Variants in CCSER1 observed in about 807,000 individuals in gnomAD.
CCSER1 encodes the protein serine-rich coiled-coil domain-containing protein 1.
CCSER1 carries 41 observed loss-of-function variants against 82.0 expected under a neutral mutation model. The observed-to-expected ratio is 0.50, with a 90% CI of 0.39 to 0.65. The LOEUF (loss-of-function observed/expected upper bound fraction) is 0.65, where lower values mean the gene tolerates loss of function less well. Among genes scored for constraint, CCSER1 ranks in the 30% least tolerant of loss-of-function variants. The pLI, the probability that CCSER1 is intolerant of heterozygous loss-of-function variation, is 0.00. For synonymous variants in CCSER1, 414 were observed against 383.9 expected, an observed-to-expected ratio of 1.08 and a Z score of -0.92; for missense variants, 1,119 against 1,064.2, an observed-to-expected ratio of 1.05 and a Z score of -0.72.
intron 4 of CCSER1, among the ~76,000 whole-genome samples, chr4:90,422,631 AC>A (rs777172475): frequency 6.2e-4 from 94 of 151,912 alleles, no homozygotes; most frequent in Non-Finnish European, 1.0e-3. Flanking sequence ...AGTCATAGAG[AC>A]CCTGTTTCGA....
chr4:91,007,929 T>G (rs943655473), intron 9 of CCSER1, among the ~76,000 whole-genome samples: 1 of 152,116 alleles, frequency 6.6e-6, no homozygotes, highest in Non-Finnish European at 1.5e-5. Flanking sequence ...TAGGTTTTGA[T>G]ATGTTGTATT....
intron 1 of CCSER1, among the ~76,000 whole-genome samples, chr4:90,146,179 T>G (rs1725778135): frequency 6.6e-6 from 1 of 152,114 alleles, no homozygotes; most frequent in Non-Finnish European, 1.5e-5. Context: ...TTCTCATTTT[T>G]AATATTCTTG....
In CCSER1 at chr4:90,628,085, C is replaced by A; in HGVS notation, c.1785C>A (p.Ser595Arg). The A allele has an allele frequency of 6.2e-7, 1 of 1,613,612 alleles. No homozygotes were observed. Among genetic ancestry groups the A allele is most frequent in the South Asian group, 1.1e-5 (1 of 91,070 alleles). Reference sequence around the variant, plus strand: ...AAGAAGCCAGGTGTTCCCACATCAGCCGAATGCCCAACAGTCCATCTGCGG... The same window carrying A: ...AAGAAGCCAGGTGTTCCCACATCAGACGAATGCCCAACAGTCCATCTGCGG... The part of the protein sequence containing the change: ...VDQEARCSHI[S>R]RMPNSPSADW... Residue 595 changes from serine (S) to arginine (R), a missense_variant, in exon 6 of 11, where the codon AGC (serine) becomes AGA (arginine). By Grantham distance (110) the Ser-to-Arg change is moderately radical (BLOSUM62 -1). Transcript: ENST00000509176.
At chr4:90,898,166 T>A (rs1724005456) in intron 8 of CCSER1, among the ~76,000 whole-genome samples, 1 of 151,544 alleles carries the variant, frequency 6.6e-6, no homozygotes, top group Non-Finnish European at 1.5e-5. Context: ...TTGAGTTCTT[T>A]ATCATAAATT....
intron 3 of CCSER1, among the ~76,000 whole-genome samples, chr4:90,392,581 CT>C (rs757910708): frequency 4.3e-4 from 66 of 152,168 alleles, no homozygotes; most frequent in Admixed American, 1.5e-3. Context: ...AAATATTCTC[CT>C]TTGCAAAAAT....
rs142008748 is a variant in CCSER1, at chr4:90,710,919, G to A, written c.1933-12995G>A. ...CATTGAATGTATAAACTACTTTTGG[G>A]AAGTATGGTCATTCAGATGATACTG... On this transcript the variant is annotated intron_variant, in intron 6 of 10. Transcript: ENST00000509176. 1.6e-4 allele frequency among the ~76,000 whole-genome samples: 25 copies of A among 152,122 alleles called. No homozygotes were observed. The East Asian group carries it at 4.4e-3, about 27-fold the overall frequency.
At chr4:91,497,893 C>T (rs2110086916) in intron 10 of CCSER1, among the ~76,000 whole-genome samples, 1 of 151,868 alleles carries the variant, frequency 6.6e-6, no homozygotes, top group East Asian at 1.9e-4. Context: ...GTATCTTTGC[C>T]CCACAATCCT....
chr4:91,501,342 G>A (rs1313928491), intron 10 of CCSER1, among the ~76,000 whole-genome samples: 1 of 151,624 alleles, frequency 6.6e-6, no homozygotes, highest in Non-Finnish European at 1.5e-5. Flanking sequence ...TTTCCAGTTA[G>A]AAAATCTGTA....
At chr4:90,796,000 G>T (rs1210352144) in intron 7 of CCSER1, among the ~76,000 whole-genome samples, 1 of 150,158 alleles carries the variant, frequency 6.7e-6, no homozygotes, top group East Asian at 1.9e-4. Context: ...GATGATGCTG[G>T]CTTCATAGAA....
intron 10 of CCSER1, among the ~76,000 whole-genome samples, chr4:91,423,992 TCAG>T (rs986239855): frequency 4.5e-5 from 6 of 132,624 alleles, no homozygotes; most frequent in African/African-American, 1.4e-4. Context: ...CTGTAAGAAC[TCAG>T]CAGATCTTTT....
chr4:91,313,064 A>T (rs1016957642), intron 10 of CCSER1, among the ~76,000 whole-genome samples: 1 of 151,888 alleles, frequency 6.6e-6, no homozygotes, highest in Admixed American at 6.6e-5. Context: ...TTGTTCCATG[A>T]CATTCAAAGA....
chr4:90,825,415 T>TA (rs1760281108), intron 8 of CCSER1, among the ~76,000 whole-genome samples: 1 of 152,184 alleles, frequency 6.6e-6, no homozygotes, highest in African/African-American at 2.4e-5. Context: ...TTCCAGTACT[T>TA]AGAGTAATTT....
intron 1 of CCSER1, among the ~76,000 whole-genome samples, chr4:90,247,016 T>C (rs1027365473): frequency 1.3e-5 from 2 of 152,106 alleles, no homozygotes; most frequent in East Asian, 1.9e-4. Context: ...ACAGTTGATA[T>C]GATAACCTAC....
At chr4:90,282,333 G>T (rs949034472) in intron 1 of CCSER1, among the ~76,000 whole-genome samples, 1 of 151,646 alleles carries the variant, frequency 6.6e-6, no homozygotes, top group Non-Finnish European at 1.5e-5. Flanking sequence ...TATGATAAAA[G>T]CACTGTTTGG....
intron 6 of CCSER1, among the ~76,000 whole-genome samples, chr4:90,713,052 G>T (rs1740952100): frequency 6.6e-6 from 1 of 151,376 alleles, no homozygotes; most frequent in Admixed American, 6.6e-5. Context: ...CACATGAGAT[G>T]GATCTTTTCA....
chr4:90,328,577 A>G (rs1252036278), intron 3 of CCSER1, among the ~76,000 whole-genome samples: 2 of 152,030 alleles, frequency 1.3e-5, no homozygotes, highest in African/African-American at 4.8e-5. Flanking sequence ...TATTTTTCCA[A>G]ATTGAAAGCA....
At position 91,565,208 on chromosome 4, in the gene CCSER1, GC is replaced by G. The variant is rs755034297; in HGVS notation, c.2218-33362del. On this transcript the variant is annotated intron_variant, in intron 10 of 10. Coordinates refer to ENST00000509176, the MANE Select transcript of CCSER1 (RefSeq NM_001145065.2). ...CAGCTTTGTTGAAGATCAGATGGTTGCCAATGTGCAGCCTTATTTCTGGGTT... is the reference window on the plus strand; with the variant it reads ...CAGCTTTGTTGAAGATCAGATGGTTGCAATGTGCAGCCTTATTTCTGGGTT... Among the ~76,000 whole-genome samples the G allele has an allele frequency of 2.6e-5, 4 of 151,902 alleles. No individual in the cohort carries two copies. In the East Asian group the frequency reaches 5.8e-4, roughly 22 times the overall value.
In CCSER1 at chr4:90,308,561, G is replaced by A. The variant is rs762251089; in HGVS notation, c.277G>A (p.Ala93Thr). 3 of 1,613,798 alleles carry A rather than the reference G, an allele frequency of 1.9e-6. No individual in the cohort carries two copies. The highest frequency in any genetic ancestry group is 1.7e-5 in the Admixed American group (1 of 59,988). ...TNQNLSISNG[A>T]QPGHSNMQKL... ...CCAGAACCTTAGTATTTCAAATGGT[G>A]CTCAACCTGGTCACAGCAATATGCA... is the stretch of plus-strand genomic sequence containing the variant. The change falls in exon 2 of 11, where the codon GCT becomes ACT. Residue 93 changes from alanine (A) to threonine (T), a missense_variant. Physicochemically the swap from Ala to Thr is moderately conservative, Grantham distance 58 (BLOSUM62 0). Transcript: ENST00000509176.
At chr4:91,152,914 C>T (rs1730392395) in intron 10 of CCSER1, among the ~76,000 whole-genome samples, 1 of 151,928 alleles carries the variant, frequency 6.6e-6, no homozygotes, top group Non-Finnish European at 1.5e-5. Context: ...ATTTGGGTAA[C>T]CCATCCTTTC....
Sources: gnomAD v4.1 joint callset for allele counts (sites outside exome capture counted in the v4.1 genomes callset) on GRCh38, gnomAD v4.1.1 for gene constraint, MANE v1.5 for transcripts, NCBI Gene and HGNC (gene_info 2026-07-23, HGNC 2026-07-21) for gene names.